The following CASQ2 variants were observed in gnomAD, a reference collection of about 807,000 sequenced individuals.
CASQ2 encodes the protein calsequestrin-2.
Under a neutral mutation model 46.5 loss-of-function variants are expected in CASQ2, and 49 were observed. That is an observed-to-expected ratio of 1.05 (90% CI 0.84 to 1.34). The LOEUF (loss-of-function observed/expected upper bound fraction) is 1.34. CASQ2 is among the 40% of genes most tolerant of loss of function. The pLI is 0.00. For synonymous variants in CASQ2, 174 were observed against 168.5 expected, an observed-to-expected ratio of 1.03 and a Z score of -0.25; for missense variants, 486 against 481.3, an observed-to-expected ratio of 1.01 and a Z score of -0.09.
chr1:115,750,502 T>G (rs912627276), intron 1 of CASQ2, among the ~76,000 whole-genome samples: 1 of 152,222 alleles, frequency 6.6e-6, no homozygotes, highest in East Asian at 1.9e-4. Context: ...TTTAAGGTCC[T>G]TAAGGTTTTG....
intron 5 of CASQ2, among the ~76,000 whole-genome samples, chr1:115,730,830 A>C (rs546044158): frequency 1.6e-4 from 24 of 152,226 alleles, no homozygotes; most frequent in African/African-American, 5.8e-4. Context: ...TTCAGACCTC[A>C]ACAAAGCACC....
At chr1:115,750,563 C>T (rs866544252) in intron 1 of CASQ2, among the ~76,000 whole-genome samples, 3 of 152,212 alleles carry the variant, frequency 2.0e-5, no homozygotes, top group Non-Finnish European at 2.9e-5. Flanking sequence ...GGCTGCAGTG[C>T]AGTGGCACAA....
At position 115,732,956 on chromosome 1, in the gene CASQ2, T is replaced by C; in HGVS notation, c.551A>G (p.Glu184Gly). Reference protein sequence around the residue: ...EDSEYYKAFEEAAEHFQPYIK... With the variant: ...EDSEYYKAFEGAAEHFQPYIK... ...GTAAGGCTGGAAGTGTTCAGCTGCT[T>C]CTTCAAAAGCCTTGTAGTCTAAGGG... Residue 184 changes from glutamate to glycine, a missense_variant, in exon 5 of 11, where the codon GAA becomes GGA. By Grantham distance (98) the Glu-to-Gly change is moderately conservative. Transcript: ENST00000261448. The C allele has an allele frequency of 6.2e-7, 1 of 1,613,612 alleles. No individual in the cohort carries two copies. Among genetic ancestry groups the C allele is most frequent in the South Asian group, 1.1e-5 (1 of 91,066 alleles).
chr1:115,752,650 T>G (rs1648623291), intron 1 of CASQ2, among the ~76,000 whole-genome samples: 1 of 152,100 alleles, frequency 6.6e-6, no homozygotes, highest in African/African-American at 2.4e-5. Context: ...TGGGCTTATT[T>G]GGGGTGCTGA....
At chr1:115,716,087 C>T (rs1246579256) in intron 8 of CASQ2, among the ~76,000 whole-genome samples, 1 of 152,234 alleles carries the variant, frequency 6.6e-6, no homozygotes, top group Non-Finnish European at 1.5e-5. Context: ...CCAGCAAATA[C>T]CATGAAAGTC....
chr1:115,755,404 A>T (rs1648724021), intron 1 of CASQ2, among the ~76,000 whole-genome samples: 1 of 152,124 alleles, frequency 6.6e-6, no homozygotes, highest in Non-Finnish European at 1.5e-5. Flanking sequence ...AGCCAGAGAG[A>T]TCATCCCTTT....
At chr1:115,767,564 G>A (rs1649175046) in intron 1 of CASQ2, among the ~76,000 whole-genome samples, 2 of 152,266 alleles carry the variant, frequency 1.3e-5, no homozygotes, top group Admixed American at 1.3e-4. Context: ...CCCTCTTAAA[G>A]TGTAAGCCAT....
chr1:115,742,134 C>T (rs1016361757), intron 2 of CASQ2, among the ~76,000 whole-genome samples: 3 of 151,990 alleles, frequency 2.0e-5, no homozygotes, highest in African/African-American at 7.2e-5. Context: ...GCCTCAGCCT[C>T]CTGAATAGCT....
chr1:115,768,366 G>A lies in CASQ2; in HGVS notation c.176C>T (p.Pro59Leu). ...YDLLCLYYHE[P>L]VSSDKVTQKQ... ...TTGCGTGACCTTATCTGAAGACACC[G>A]GCTCATGGTAGTAGAGGCAAAGCAA... is the stretch of plus-strand genomic sequence containing the variant. The change falls in exon 1 of 11, where the codon CCG (proline) becomes CTG (leucine). Residue 59 changes from proline (P) to leucine (L), a missense_variant. Physicochemically the swap from Pro to Leu is moderately conservative, Grantham distance 98. Transcript: ENST00000261448. The A allele has an allele frequency of 1.1e-5, 18 of 1,614,028 alleles. No individual in the cohort carries two copies. Among genetic ancestry groups the A allele is most frequent in the Non-Finnish European group, 1.4e-5 (17 of 1,179,964 alleles).
chr1:115,708,187 T>C (rs182119464), intron 8 of CASQ2, among the ~76,000 whole-genome samples: 80 of 152,284 alleles, frequency 5.3e-4, no homozygotes, highest in Admixed American at 7.2e-4. Context: ...AAGTCAAAAG[T>C]GTGGCTTAAT....
intron 8 of CASQ2, among the ~76,000 whole-genome samples, chr1:115,717,340 A>G (rs1175251015): frequency 6.6e-6 from 1 of 152,194 alleles, no homozygotes; most frequent in African/African-American, 2.4e-5. Context: ...GCTGGTCTAA[A>G]AGGCTGAGCA....
intron 8 of CASQ2, among the ~76,000 whole-genome samples, chr1:115,712,941 TGGTCC>T (rs1417755171): frequency 6.6e-6 from 1 of 151,970 alleles, no homozygotes; most frequent in Non-Finnish European, 1.5e-5. Flanking sequence ...AGGCAGTTAG[TGGTCC>T]TACTTGAGAC....
rs77913539 is a variant in CASQ2, at chr1:115,723,055, A to G, written c.783+2453T>C. On this transcript the variant is annotated intron_variant, in intron 7 of 10. Transcript: ENST00000261448. Reference sequence around the variant, plus strand: ...AGAGGGAGAATCCGTCTCAAAAAAAATAATAATAATAAAAGAAAAAGAAAG... The same window carrying G: ...AGAGGGAGAATCCGTCTCAAAAAAAGTAATAATAATAAAAGAAAAAGAAAG... 3.7e-3 allele frequency among the ~76,000 whole-genome samples: 563 copies of G among 152,288 alleles called. 6 individuals carry two copies. Among genetic ancestry groups the G allele is most frequent in the African/African-American group, 0.013 (538 of 41,554 alleles).
chr1:115,703,227 G>C (rs567608405), intron 9 of CASQ2, among the ~76,000 whole-genome samples: 1 of 152,354 alleles, frequency 6.6e-6, no homozygotes, highest in Non-Finnish European at 1.5e-5. Context: ...AGCTGTAAGA[G>C]AGAAAATTAT....
chr1:115,705,395 G>C, intron 8 of CASQ2, 103 bp from the exon 9 acceptor site: 1 of 748,880 alleles, frequency 1.3e-6, no homozygotes, highest in Non-Finnish European at 2.4e-6. Flanking sequence ...AGGACATTTG[G>C]TGCTCACCCT....
chr1:115,749,228 G>T (rs1196167177), intron 1 of CASQ2, among the ~76,000 whole-genome samples: 1 of 152,282 alleles, frequency 6.6e-6, no homozygotes, highest in Non-Finnish European at 1.5e-5. Flanking sequence ...ATTAAACAGA[G>T]AACTTAACTC....
chr1:115,726,949 C>G (rs1287388860), intron 6 of CASQ2, 43 bp downstream of exon 6: 1 of 1,204,962 alleles, frequency 8.3e-7, no homozygotes, highest in South Asian at 1.3e-5. Flanking sequence ...CTCTCCATTC[C>G]CCAGACCCCA....
At chr1:115,701,825 A>G (rs902453765) in intron 10 of CASQ2, among the ~76,000 whole-genome samples, 8 of 152,220 alleles carry the variant, frequency 5.3e-5, no homozygotes, top group Admixed American at 3.3e-4. Context: ...ATTATTATTA[A>G]TTTTAAAGTA....
intron 7 of CASQ2, among the ~76,000 whole-genome samples, chr1:115,723,699 G>A (rs552424131): frequency 6.1e-4 from 93 of 151,942 alleles, no homozygotes; most frequent in Middle Eastern, 3.4e-3. Flanking sequence ...CACCATACTC[G>A]GCTAATTTTT....
Sources: gnomAD v4.1 joint callset for allele counts (sites outside exome capture counted in the v4.1 genomes callset) on GRCh38, gnomAD v4.1.1 for gene constraint, MANE v1.5 for transcripts, NCBI Gene and HGNC (gene_info 2026-07-23, HGNC 2026-07-21) for gene names.